The following CCDC88C variants were observed in gnomAD, a reference collection of about 807,000 sequenced individuals.
CCDC88C encodes protein Daple.
Under a neutral mutation model 198.8 loss-of-function variants are expected in CCDC88C, and 131 were observed. That is an observed-to-expected ratio of 0.66 (90% CI 0.57 to 0.76). The LOEUF is 0.76. Ranked by LOEUF, CCDC88C falls within the 30% of genes least tolerant of loss-of-function variation. The pLI, the probability that CCDC88C is intolerant of heterozygous loss-of-function variation, is 0.00. For synonymous variants in CCDC88C, 1,166 were observed against 1,114.7 expected (o/e 1.05, Z -0.92); for missense variants, 2,553 against 2,631.6 (o/e 0.97, Z 0.65).
intron 16 of CCDC88C, 105 bp downstream of exon 16, chr14:91,309,754 C>G (rs988663162): frequency 1.5e-5 from 19 of 1,233,116 alleles, no homozygotes; most frequent in Non-Finnish European, 2.0e-5. Flanking sequence ...TCACAGCCCT[C>G]GGCAGTAGAG....
chr14:91,373,576 G>A (rs946160860), intron 3 of CCDC88C, among the ~76,000 whole-genome samples: 1 of 152,156 alleles, frequency 6.6e-6, no homozygotes, highest in Admixed American at 6.5e-5. Flanking sequence ...TTCATTACAG[G>A]AGTTTGCAGC....
At chr14:91,285,268 C>A in intron 25 of CCDC88C, 3 of 248,088 alleles carry the variant, frequency 1.2e-5, no homozygotes, top group East Asian at 1.1e-4. Context: ...TAAAAAAAAC[C>A]CTCACTTGAC....
chr14:91,351,277 T>A (rs986711552), intron 4 of CCDC88C, among the ~76,000 whole-genome samples: 3 of 152,198 alleles, frequency 2.0e-5, no homozygotes, highest in African/African-American at 7.2e-5. Context: ...TTCATAAGGA[T>A]GCTCACGAGG....
In CCDC88C at chr14:91,303,830, T is replaced by A; in HGVS notation, c.3506A>T (p.Gln1169Leu). 1 of 1,613,322 alleles carries A rather than the reference T, an allele frequency of 6.2e-7. No homozygotes were observed. Among genetic ancestry groups the A allele is most frequent in the Middle Eastern group, 1.6e-4 (1 of 6,062 alleles). ...CAGCGTGCCCAGGTGCTCGTGGTCC[T>A]GCAGCAGGGCCTCGTAGGCCGCTGT... is the stretch of plus-strand genomic sequence containing the variant. ...QLTAAYEALL[Q>L]DHEHLGTLHE... The change falls in exon 20 of 30, where the codon CAG (glutamine) becomes CTG (leucine). Residue 1169 changes from glutamine to leucine, a missense_variant. Gln to Leu is a moderately radical substitution (Grantham distance 113). Around this residue, in one of 2 missense-constraint regions of CCDC88C, gnomAD observed 1,293 missense variants for 1,219.6 expected, o/e 1.06. Transcript: ENST00000389857.
rs1023609821 is a variant in CCDC88C, at chr14:91,272,365, TG to T, written c.*259del. 15 of 506,840 alleles carry T rather than the reference TG, an allele frequency of 3.0e-5. No homozygotes were observed. In the African/African-American group the frequency reaches 3.0e-4, roughly 10 times the overall value. 31.4% of individuals were successfully genotyped at this position (506,840 alleles called of 1,614,324 possible). A position where few individuals can be genotyped will look rare whatever the true frequency, so the allele number is the denominator to read the frequency against. On this transcript the variant is annotated 3_prime_UTR_variant, in exon 30 of 30. Transcript: ENST00000389857. The stretch of plus-strand genomic sequence containing the variant: ...GTCATTGCATCCTAATTGGTCCCCA[TG>T]CTGACGTGGATTATTTGTTCCAAAG...
rs1241938574 is a variant in CCDC88C at position 91,316,744 on chromosome 14, G to A, written c.1528-957C>T. 5.3e-5 allele frequency among the ~76,000 whole-genome samples: 8 copies of A among 152,286 alleles called. No homozygotes were observed. The East Asian group carries it at 1.5e-3, about 29-fold the overall frequency. On this transcript the variant is annotated intron_variant, in intron 13 of 29. Coordinates refer to ENST00000389857, the MANE Select transcript of CCDC88C (RefSeq NM_001080414.4). ...GCATTTCTGATTGCTGTTGCTTCTG[G>A]TCTAAAGGTGTGATTTCCTGGGTCC... is the stretch of plus-strand genomic sequence containing the variant.
At chr14:91,301,237 G>GC (rs1407993056) in intron 20 of CCDC88C, among the ~76,000 whole-genome samples, 1 of 152,190 alleles carries the variant, frequency 6.6e-6, no homozygotes, top group Non-Finnish European at 1.5e-5. Context: ...ATCCTTGTGT[G>GC]CCATGTACCT....
At chr14:91,345,256 A>T (rs1249809267) in intron 4 of CCDC88C, among the ~76,000 whole-genome samples, 2 of 128,168 alleles carry the variant, frequency 1.6e-5, no homozygotes, top group Non-Finnish European at 3.2e-5. Flanking sequence ...GCAGTGGCAC[A>T]ATTTTGGCTC....
intron 3 of CCDC88C, among the ~76,000 whole-genome samples, chr14:91,395,235 C>A (rs1005961235): frequency 5.3e-5 from 8 of 152,278 alleles, no homozygotes; most frequent in African/African-American, 1.9e-4. Context: ...CCCCTACCTG[C>A]AAGTAACTGC....
intron 21 of CCDC88C, among the ~76,000 whole-genome samples, chr14:91,298,491 G>C (rs1430058786): frequency 6.6e-6 from 1 of 150,406 alleles, no homozygotes; most frequent in Non-Finnish European, 1.5e-5. Context: ...CCATGATCAT[G>C]TCACTCCAGC....
At chr14:91,336,914 A>G (rs1170698684) in intron 10 of CCDC88C, among the ~76,000 whole-genome samples, 1 of 152,206 alleles carries the variant, frequency 6.6e-6, no homozygotes, top group Non-Finnish European at 1.5e-5. Flanking sequence ...GGGAGAGGGC[A>G]ATACGGTGCT....
At chr14:91,387,428 G>A (rs1395214630) in intron 3 of CCDC88C, among the ~76,000 whole-genome samples, 5 of 152,160 alleles carry the variant, frequency 3.3e-5, no homozygotes, top group Admixed American at 6.5e-5. Context: ...AGCTACCTCC[G>A]CAGCATGTGT....
chr14:91,307,237 G>T lies in CCDC88C; in HGVS notation c.3007-11C>A, dbSNP rs1891597151. The T allele has an allele frequency of 1.2e-6, 2 of 1,611,810 alleles. No individual in the cohort carries two copies. The highest frequency in any genetic ancestry group is 1.7e-5 in the Admixed American group (1 of 60,012). On this transcript the variant is annotated splice_polypyrimidine_tract_variant and intron_variant, in intron 17 of 29. Coordinates refer to ENST00000389857, the MANE Select transcript of CCDC88C (RefSeq NM_001080414.4). ...ACACTCCTTCTTTAGCTACAGGTGT[G>T]ACAATAAGCAAGGAGGCTTTAGGCG...
At chr14:91,326,186 G>A in intron 10 of CCDC88C, 130 bp from the exon 11 acceptor site, 4 of 763,386 alleles carry the variant, frequency 5.2e-6, no homozygotes, top group Non-Finnish European at 8.2e-6. Flanking sequence ...TCCGAGGCAG[G>A]AAGTTTTTCC....
intron 3 of CCDC88C, among the ~76,000 whole-genome samples, chr14:91,377,917 G>A (rs973281772): frequency 6.6e-6 from 1 of 151,142 alleles, no homozygotes; most frequent in East Asian, 2.0e-4. Flanking sequence ...GGCTTCCCAG[G>A]AGCACACGAC....
chr14:91,276,813 G>GT (rs1889984178), intron 29 of CCDC88C, among the ~76,000 whole-genome samples: 1 of 152,190 alleles, frequency 6.6e-6, no homozygotes, highest in African/African-American at 2.4e-5. Context: ...CTTTAAAGAC[G>GT]TATGTGCAGC....
intron 3 of CCDC88C, among the ~76,000 whole-genome samples, chr14:91,396,149 G>A (rs1254712736): frequency 1.3e-5 from 2 of 152,306 alleles, no homozygotes; most frequent in East Asian, 3.9e-4. Context: ...CCAAAGAAGA[G>A]CTGAATAACA....
chr14:91,279,119 C>T, intron 28 of CCDC88C, 119 bp downstream of exon 28: 2 of 794,410 alleles, frequency 2.5e-6, no homozygotes, highest in Non-Finnish European at 4.2e-6. Context: ...AGGCTGGTTT[C>T]TAACTCCTGG....
At chr14:91,393,347 C>T (rs960943248) in intron 3 of CCDC88C, among the ~76,000 whole-genome samples, 1 of 152,152 alleles carries the variant, frequency 6.6e-6, no homozygotes, top group Non-Finnish European at 1.5e-5. Context: ...CCCTAAACCC[C>T]CAGCCCTGCA....
Sources: gnomAD v4.1 joint callset for allele counts (sites outside exome capture counted in the v4.1 genomes callset) on GRCh38, gnomAD v4.1.1 for gene constraint, gnomAD v4.1.1 regional missense constraint, MANE v1.5 for transcripts, NCBI Gene and HGNC (gene_info 2026-07-23, HGNC 2026-07-21) for gene names.